WASF3: variants seen among roughly 807,000 people sequenced by gnomAD.
WASF3 encodes WASP family member 3.
A neutral mutation model predicts 46.6 loss-of-function variants in WASF3; 11 were observed. That is an observed-to-expected ratio of 0.24 (90% CI 0.15 to 0.39). The LOEUF (loss-of-function observed/expected upper bound fraction) is 0.39, where lower values mean the gene tolerates loss of function less well. WASF3 is among the 10% of genes least tolerant of loss of function. WASF3 has a pLI of 1.00. For synonymous variants in WASF3, 242 were observed against 259.7 expected (o/e 0.93, Z 0.65); for missense variants, 576 against 669.8 (o/e 0.86, Z 1.55).
intron 6 of WASF3, among the ~76,000 whole-genome samples, chr13:26,674,901 T>C (rs1352536961): frequency 6.6e-6 from 1 of 152,226 alleles, no homozygotes; most frequent in African/African-American, 2.4e-5. Flanking sequence ...TCCTGGATAT[T>C]ACTTTCTTTT....
upstream of WASF3, among the ~76,000 whole-genome samples, chr13:26,554,088 C>CTTTCTTTCT (rs1289008259): frequency 3.1e-3 from 84 of 27,534 alleles, no homozygotes; most frequent in Middle Eastern, 0.04. Flanking sequence ...TCCTTCCTTC[C>CTTTCTTTCT]TTCCTTCCTT....
At chr13:26,558,002 C>T (rs1313795278) in intron 1 of WASF3, among the ~76,000 whole-genome samples, 183 bp downstream of exon 1, 2 of 150,892 alleles carry the variant, frequency 1.3e-5, no homozygotes, top group East Asian at 3.9e-4. Flanking sequence ...GCGCCTATCC[C>T]TGCAGCCCGG....
In WASF3 at chr13:26,650,156, T is replaced by A. The variant is rs145045991; in HGVS notation, c.133+7753T>A. ...AACAGAGCCTAACAGACTGAGATTT[T>A]ACCAGAGCTTAACAGACCTGGTTGG... On this transcript the variant is annotated intron_variant, in intron 3 of 9. Coordinates refer to ENST00000335327, the MANE Select transcript of WASF3 (RefSeq NM_006646.6). Among the ~76,000 whole-genome samples, 541 of 152,316 alleles carry A rather than the reference T, an allele frequency of 3.6e-3. 4 individuals are homozygous for A. The highest frequency in any genetic ancestry group is 0.012 in the African/African-American group (495 of 41,570).
chr13:26,616,634 C>T (rs1393154280), intron 2 of WASF3, among the ~76,000 whole-genome samples: 1 of 152,130 alleles, frequency 6.6e-6, no homozygotes, highest in East Asian at 1.9e-4. Context: ...TTCCCCAACT[C>T]CCATAAAAGT....
Position 26,686,129 on chromosome 13 carries a change from G to A in WASF3, c.*284G>A, listed in dbSNP as rs1883398028. ...TTCCTCTTGGCCATGAGAGTATTTA[G>A]TGCAGTTTGGGTTTACTCTTACTGA... On this transcript the variant is annotated 3_prime_UTR_variant, in exon 10 of 10. Transcript: ENST00000335327. 2.7e-6 allele frequency: 1 copy of A among 370,634 alleles called. No individual in the cohort carries two copies. 23.0% of individuals were successfully genotyped at this position (370,634 alleles called of 1,614,324 possible). A position where few individuals can be genotyped will look rare whatever the true frequency, so the allele number is the denominator to read the frequency against.
intron 2 of WASF3, among the ~76,000 whole-genome samples, chr13:26,617,191 T>C (rs1053000114): frequency 6.6e-6 from 1 of 152,166 alleles, no homozygotes; most frequent in Middle Eastern, 3.2e-3. Context: ...ATCTTGGTCT[T>C]TGTTGGTTTC....
chr13:26,660,022 A>G (rs1229975993), intron 3 of WASF3, among the ~76,000 whole-genome samples: 1 of 152,146 alleles, frequency 6.6e-6, no homozygotes, highest in Non-Finnish European at 1.5e-5. Flanking sequence ...AAGTGTTTAC[A>G]GCCATTAGAC....
At chr13:26,556,071 G>A (rs1031841940), upstream of WASF3, among the ~76,000 whole-genome samples, 1 of 152,224 alleles carries the variant, frequency 6.6e-6, no homozygotes, top group East Asian at 1.9e-4. Context: ...AAAGAGGACT[G>A]TAAAATAAGG....
At chr13:26,673,923 G>A (rs982872410) in intron 6 of WASF3, among the ~76,000 whole-genome samples, 1 of 152,110 alleles carries the variant, frequency 6.6e-6, no homozygotes, top group Non-Finnish European at 1.5e-5. Flanking sequence ...CCAAGGGAGG[G>A]TAGCAGAAGT....
chr13:26,605,498 T>C (rs1331586712), intron 1 of WASF3, among the ~76,000 whole-genome samples: 1 of 152,184 alleles, frequency 6.6e-6, no homozygotes, highest in Non-Finnish European at 1.5e-5. Context: ...GATGCATTTT[T>C]TTTTAAACCT....
chr13:26,647,977 A>G (rs1882200193), intron 3 of WASF3, among the ~76,000 whole-genome samples: 1 of 152,186 alleles, frequency 6.6e-6, no homozygotes, highest in Non-Finnish European at 1.5e-5. Flanking sequence ...CTTATAAGAC[A>G]CATTTTTGAA....
chr13:26,576,503 T>A (rs1414450972), intron 1 of WASF3, among the ~76,000 whole-genome samples: 1 of 152,146 alleles, frequency 6.6e-6, no homozygotes, highest in Admixed American at 6.5e-5. Flanking sequence ...AAGTGGTACG[T>A]GGGCTTTGAA....
chr13:26,680,102 A>G (rs779550574), intron 7 of WASF3: 5 of 1,598,314 alleles, frequency 3.1e-6, no homozygotes, highest in Non-Finnish European at 3.4e-6. Flanking sequence ...AGAACAAGAA[A>G]AGAAGAGTGG....
intron 1 of WASF3, among the ~76,000 whole-genome samples, chr13:26,607,107 T>C (rs1593144493): frequency 6.6e-6 from 1 of 152,228 alleles, no homozygotes; most frequent in Non-Finnish European, 1.5e-5. Context: ...GGTTTAGTAC[T>C]ATCCGCAGTT....
rs1883412056 is a variant in WASF3 at position 26,686,586 on chromosome 13, C to T, written c.*741C>T. 6.6e-6 allele frequency: 1 copy of T among 152,292 alleles called. No individual in the cohort carries two copies. 9.4% of individuals were successfully genotyped at this position (152,292 alleles called of 1,614,324 possible). The stretch of plus-strand genomic sequence containing the variant: ...AAAGTGAAGAACAGAGTCCATTTTC[C>T]TTCCTGGGGCCATTGGGGATGACAC... On this transcript the variant is annotated 3_prime_UTR_variant, in exon 10 of 10. Coordinates refer to ENST00000335327, the MANE Select transcript of WASF3 (RefSeq NM_006646.6).
chr13:26,620,852 C>A (rs1881283430), intron 2 of WASF3, among the ~76,000 whole-genome samples: 1 of 152,080 alleles, frequency 6.6e-6, no homozygotes, highest in African/African-American at 2.4e-5. Context: ...AAACTGTGTC[C>A]CAGAATGTCC....
At chr13:26,676,181 G>A (rs1029184635) in intron 6 of WASF3, among the ~76,000 whole-genome samples, 3 of 152,254 alleles carry the variant, frequency 2.0e-5, no homozygotes, top group East Asian at 1.9e-4. Context: ...GTGTGGTGGC[G>A]GGAAATAATT....
chr13:26,540,994 A>G, the WASF3 span, among the ~76,000 whole-genome samples: 1 of 152,228 alleles, frequency 6.6e-6, no homozygotes, highest in Admixed American at 6.5e-5. Context: ...TGATACGTTA[A>G]GAGTGCTTGT....
At chr13:26,580,706 A>G (rs1438199244) in intron 1 of WASF3, among the ~76,000 whole-genome samples, 4 of 146,192 alleles carry the variant, frequency 2.7e-5, no homozygotes, top group Non-Finnish European at 6.0e-5. Flanking sequence ...GCTCACCTCA[A>G]CCTCCGCCTC....
Sources: gnomAD v4.1 joint callset for allele counts (sites outside exome capture counted in the v4.1 genomes callset) on GRCh38, gnomAD v4.1.1 for gene constraint, MANE v1.5 for transcripts, NCBI Gene and HGNC (gene_info 2026-07-23, HGNC 2026-07-21) for gene names.